Variants in TDP1 observed in about 807,000 individuals in gnomAD.
The protein encoded by TDP1 is tyr-DNA phosphodiesterase 1.
In TDP1, 64 loss-of-function variants were observed where a neutral mutation model predicts 81.5. That is an observed-to-expected ratio of 0.79 (90% CI 0.64 to 0.97). The LOEUF is 0.97. Among genes scored for constraint, TDP1 ranks in the 50% least tolerant of loss-of-function variants. TDP1 has a pLI of 0.00. For synonymous variants in TDP1, 256 were observed against 264.3 expected, an observed-to-expected ratio of 0.97 and a Z score of 0.30; for missense variants, 723 against 743.8, an observed-to-expected ratio of 0.97 and a Z score of 0.33.
chr14:89,995,356 C>A (rs1896575194), intron 14 of TDP1, among the ~76,000 whole-genome samples: 1 of 151,862 alleles, frequency 6.6e-6, no homozygotes, highest in Non-Finnish European at 1.5e-5. Context: ...AGTGATGGAA[C>A]CCAGATAGGA....
chr14:90,032,784 G>C lies in TDP1; in HGVS notation c.1645-322G>C, dbSNP rs36055819. On this transcript the variant is annotated intron_variant, in intron 15 of 16. Transcript: ENST00000335725. ...ATACAGTGAGTTCTACAAACTCCCT[G>C]CAAACTGTACATAATGTTGGGTTGA... 9.9e-5 allele frequency: 98 copies of C among 984,978 alleles called. No individual in the cohort carries two copies. In the East Asian group the frequency reaches 0.01, roughly 105 times the overall value. The allele number at this position is 984,978 out of a possible 1,614,324, so 61.0% of individuals were successfully genotyped here. A position where few individuals can be genotyped will look rare whatever the true frequency, so the allele number is the denominator to read the frequency against.
chr14:89,973,172 T>C (rs1299489160), intron 6 of TDP1, among the ~76,000 whole-genome samples: 1 of 152,220 alleles, frequency 6.6e-6, no homozygotes, highest in Non-Finnish European at 1.5e-5. Context: ...CTCATGCCCA[T>C]AGATGTGCCT....
intron 14 of TDP1, among the ~76,000 whole-genome samples, chr14:90,007,368 C>CT: frequency 6.6e-6 from 1 of 152,264 alleles, no homozygotes. Context: ...GCCGGTGGAT[C>CT]AGTTGAGACC....
upstream of TDP1, chr14:89,955,433 T>G (rs2139867408): frequency 6.6e-6 from 1 of 152,330 alleles, no homozygotes; most frequent in South Asian, 2.1e-4. Flanking sequence ...GAGTTCCTTT[T>G]CTCAGAAGAT....
intron 16 of TDP1, among the ~76,000 whole-genome samples, chr14:90,035,983 C>T (rs34968527): frequency 0.056 from 8,545 of 152,110 alleles, 519 homozygotes; most frequent in African/African-American, 0.15. Context: ...AGTAAGCATT[C>T]CCAGGAACTT....
chr14:90,016,722 A>AAC (rs1885355298), intron 14 of TDP1, among the ~76,000 whole-genome samples: 1 of 150,674 alleles, frequency 6.6e-6, no homozygotes, highest in South Asian at 2.1e-4. Context: ...TCCTTTAAGA[A>AAC]ATACACACAC....
chr14:90,035,962 C>G (rs959056007), intron 16 of TDP1, among the ~76,000 whole-genome samples: 1 of 152,018 alleles, frequency 6.6e-6, no homozygotes, highest in African/African-American at 2.4e-5. Context: ...AGGGCCCTTT[C>G]CTTCCAGTAA....
chr14:89,968,811 C>T (rs772681237), intron 5 of TDP1, among the ~76,000 whole-genome samples: 2 of 152,156 alleles, frequency 1.3e-5, no homozygotes, highest in Non-Finnish European at 2.9e-5. Context: ...GACTGCAGTT[C>T]CTTTGTATCT....
chr14:90,015,551 A>C (rs1473006911), intron 14 of TDP1, among the ~76,000 whole-genome samples: 1 of 152,188 alleles, frequency 6.6e-6, no homozygotes, highest in African/African-American at 2.4e-5. Context: ...TCAGACTGCT[A>C]TACAGAGCAG....
chr14:89,955,331 G>A (rs1023721134), upstream of TDP1: 1 of 152,240 alleles, frequency 6.6e-6, no homozygotes, highest in Non-Finnish European at 1.5e-5. Context: ...GAGATGCCTA[G>A]TGTGAAAGAG....
At chr14:89,961,983 T>C (rs965151406) in intron 2 of TDP1, among the ~76,000 whole-genome samples, 2 of 152,222 alleles carry the variant, frequency 1.3e-5, no homozygotes, top group Non-Finnish European at 1.5e-5. Context: ...GTTCTTTAGC[T>C]GTCTGGAAAG....
intron 14 of TDP1, among the ~76,000 whole-genome samples, chr14:90,010,185 G>A (rs1287421700): frequency 6.6e-6 from 1 of 152,136 alleles, no homozygotes; most frequent in Non-Finnish European, 1.5e-5. Flanking sequence ...GGATGAAAAG[G>A]TTTTTCTGAG....
intron 12 of TDP1, 104 bp from the exon 13 acceptor site, chr14:89,991,813 T>C: frequency 2.3e-6 from 3 of 1,293,638 alleles, no homozygotes; most frequent in Non-Finnish European, 2.1e-6. Context: ...TAGAAGTAGT[T>C]TTTTTCCTGT....
chr14:90,000,696 C>T (rs1019458611), intron 14 of TDP1, among the ~76,000 whole-genome samples: 2 of 152,184 alleles, frequency 1.3e-5, no homozygotes, highest in African/African-American at 4.8e-5. Flanking sequence ...ACTGATATTT[C>T]TTTCCTGGTT....
At chr14:89,998,670 C>A (rs910977667) in intron 14 of TDP1, among the ~76,000 whole-genome samples, 1 of 151,510 alleles carries the variant, frequency 6.6e-6, no homozygotes, top group Admixed American at 6.6e-5. Flanking sequence ...GGCCTTCTGA[C>A]GTGGTGACAT....
chr14:89,958,457 C>G (rs577174722), intron 2 of TDP1: 1 of 152,266 alleles, frequency 6.6e-6, no homozygotes, highest in Admixed American at 6.5e-5. Flanking sequence ...AGTGGATGGC[C>G]CCTGCCCTGA....
At chr14:90,022,640 A>G in intron 15 of TDP1, 1 of 511,272 alleles carries the variant, frequency 2.0e-6, no homozygotes, top group Non-Finnish European at 2.5e-6. Flanking sequence ...GCGTCTTGTC[A>G]GTCTGTAAAA....
At chr14:90,032,771 C>A in intron 15 of TDP1, 1 of 985,002 alleles carries the variant, frequency 1.0e-6, no homozygotes, top group African/African-American at 1.7e-5. Context: ...ACAGTGAGTT[C>A]TACAAACTCC....
At position 90,010,537 on chromosome 14, in the gene TDP1, T is replaced by C. The variant is rs545761793; in HGVS notation, c.1542-8779T>C. Among the ~76,000 whole-genome samples the C allele has an allele frequency of 1.9e-4, 29 of 152,178 alleles. No homozygotes were observed. The South Asian group carries it at 5.6e-3, about 29-fold the overall frequency. ...GTGGTTATTGGGGGAGGGCCCAGTA[T>C]AATCACAAAGATACTTAAAAGTGGA... On this transcript the variant is annotated intron_variant, in intron 14 of 16. Coordinates refer to ENST00000335725, the MANE Select transcript of TDP1 (RefSeq NM_018319.4).
Sources: allele counts gnomAD v4.1 joint callset (sites outside exome capture counted in the v4.1 genomes callset), GRCh38; gene constraint gnomAD v4.1.1; transcripts MANE v1.5; gene names NCBI Gene and HGNC (gene_info 2026-07-23, HGNC 2026-07-21).